The following RSU1 variants were observed in gnomAD, a reference collection of about 807,000 sequenced individuals.
RSU1 encodes rsu-1.
In RSU1, 26 loss-of-function variants were observed where a neutral mutation model predicts 31.1. That is an observed-to-expected ratio of 0.84 (90% CI 0.61 to 1.16). The LOEUF (loss-of-function observed/expected upper bound fraction) is 1.16, where lower values mean the gene tolerates loss of function less well. RSU1 is among the 50% of genes most tolerant of loss of function. The pLI, the probability that RSU1 is intolerant of heterozygous loss-of-function variation, is 0.00. For synonymous variants in RSU1, 164 were observed against 136.3 expected (o/e 1.20, Z -1.41); for missense variants, 320 against 339.1 (o/e 0.94, Z 0.44).
At chr10:16,709,898 T>C (rs986941646) in intron 7 of RSU1, among the ~76,000 whole-genome samples, 5 of 152,242 alleles carry the variant, frequency 3.3e-5, no homozygotes, top group Non-Finnish European at 5.9e-5. Flanking sequence ...ATTAGCCCTT[T>C]GTCAGATGAG....
intron 2 of RSU1, among the ~76,000 whole-genome samples, chr10:16,795,758 A>G (rs978593988): frequency 5.3e-5 from 8 of 152,184 alleles, no homozygotes; most frequent in Non-Finnish European, 1.0e-4. Context: ...TTTTTTTGCC[A>G]AAGTTAAGAC....
In RSU1 at chr10:16,593,290, AAG is replaced by A; in HGVS notation, c.*102_*103del. On this transcript the variant is annotated 3_prime_UTR_variant, in exon 9 of 9. Coordinates refer to ENST00000345264, the MANE Select transcript of RSU1 (RefSeq NM_012425.4). ...AAAGAGAGTGAAAAGAAAAATAAAA[AAG>A]GCCTCACACGCAGCATTGGGTTTAT... The A allele has an allele frequency of 6.5e-7, 1 of 1,530,954 alleles. No individual in the cohort carries two copies. Among genetic ancestry groups the A allele is most frequent in the African/African-American group, 1.4e-5 (1 of 72,360 alleles). The allele number at this position is 1,530,954 out of a possible 1,614,324, so 94.8% of individuals were successfully genotyped here. A position where few individuals can be genotyped will look rare whatever the true frequency, so the allele number is the denominator to read the frequency against.
chr10:16,792,193 A>G (rs1201769077), intron 2 of RSU1, among the ~76,000 whole-genome samples: 1 of 152,210 alleles, frequency 6.6e-6, no homozygotes, highest in African/African-American at 2.4e-5. Context: ...TGCATTCCGA[A>G]TGAAAGCCAC....
chr10:16,627,839 C>T (rs900131284), intron 8 of RSU1, among the ~76,000 whole-genome samples: 3 of 151,870 alleles, frequency 2.0e-5, no homozygotes, highest in Non-Finnish European at 4.4e-5. Flanking sequence ...AAGCAACTGC[C>T]TAAGAAATGT....
intron 8 of RSU1, among the ~76,000 whole-genome samples, chr10:16,654,690 A>G (rs1834746062): frequency 6.6e-6 from 1 of 151,854 alleles, no homozygotes; most frequent in Admixed American, 6.6e-5. Flanking sequence ...CAAAAAAAAA[A>G]AAAAAGGAAA....
chr10:16,668,646 C>G (rs1835045263), intron 8 of RSU1, among the ~76,000 whole-genome samples: 1 of 152,136 alleles, frequency 6.6e-6, no homozygotes, highest in Non-Finnish European at 1.5e-5. Flanking sequence ...GTTCTCAGTG[C>G]AGTCACAAAG....
In RSU1 at chr10:16,639,829, C is replaced by T. The variant is rs748263561; in HGVS notation, c.732-46333G>A. On this transcript the variant is annotated intron_variant, in intron 8 of 8. Coordinates refer to ENST00000345264, the MANE Select transcript of RSU1 (RefSeq NM_012425.4). ...GTGCCTGGAAATATTTACAGCAACA[C>T]CGCAATTCAAGCGGACATTTGGTTT... 3.3e-5 allele frequency among the ~76,000 whole-genome samples: 5 copies of T among 152,330 alleles called. No individual in the cohort carries two copies. The South Asian group carries it at 8.3e-4, about 25-fold the overall frequency.
chr10:16,774,400 C>T (rs1837487165), intron 3 of RSU1, among the ~76,000 whole-genome samples: 2 of 151,880 alleles, frequency 1.3e-5, no homozygotes, highest in Non-Finnish European at 2.9e-5. Flanking sequence ...TGGTGAAACC[C>T]GTCTCTACTA....
At chr10:16,654,130 G>A (rs1002850177) in intron 8 of RSU1, among the ~76,000 whole-genome samples, 4 of 151,838 alleles carry the variant, frequency 2.6e-5, no homozygotes, top group African/African-American at 9.7e-5. Context: ...AGCATCCTGA[G>A]TAGCTGGGAT....
intron 8 of RSU1, among the ~76,000 whole-genome samples, chr10:16,654,831 G>C (rs891693324): frequency 6.6e-6 from 1 of 151,980 alleles, no homozygotes; most frequent in Non-Finnish European, 1.5e-5. Context: ...AGCCAAGGTG[G>C]GAGGATCACT....
In RSU1 at chr10:16,628,705, AG is replaced by A. The variant is rs1203019414; in HGVS notation, c.732-35210del. On this transcript the variant is annotated intron_variant, in intron 8 of 8. Transcript: ENST00000345264. ...TGTTTTATAAGAAATGTGAACTTAC[AG>A]GGAAAAAATATGGGGCAAAGTGCCC... Among the ~76,000 whole-genome samples the A allele has an allele frequency of 3.3e-5, 5 of 152,340 alleles. 1 individual carries two copies. The Middle Eastern group carries it at 0.01, about 311-fold the overall frequency.
At chr10:16,669,329 TTC>T (rs1835060749) in intron 8 of RSU1, among the ~76,000 whole-genome samples, 1 of 152,140 alleles carries the variant, frequency 6.6e-6, no homozygotes, top group Non-Finnish European at 1.5e-5. Context: ...CCCATGTGAT[TTC>T]TGTTGTATTG....
intron 4 of RSU1, among the ~76,000 whole-genome samples, chr10:16,763,612 C>G (rs1368711421): frequency 6.6e-6 from 1 of 152,136 alleles, no homozygotes; most frequent in Non-Finnish European, 1.5e-5. Context: ...GCTGGGGACA[C>G]AGACCCAGAC....
chr10:16,627,866 CATTAAT>C (rs1405188469), intron 8 of RSU1, among the ~76,000 whole-genome samples: 7 of 151,960 alleles, frequency 4.6e-5, no homozygotes, highest in African/African-American at 1.7e-4. Flanking sequence ...CTCTGATGAT[CATTAAT>C]ATTATCAGTA....
chr10:16,760,177 A>T (rs1463620875), intron 4 of RSU1, among the ~76,000 whole-genome samples: 1 of 152,202 alleles, frequency 6.6e-6, no homozygotes, highest in Non-Finnish European at 1.5e-5. Flanking sequence ...AACAACTCCA[A>T]AGAGAACAAG....
At chr10:16,729,921 A>C (rs190306310) in intron 7 of RSU1, among the ~76,000 whole-genome samples, 2 of 152,266 alleles carry the variant, frequency 1.3e-5, no homozygotes, top group Admixed American at 1.3e-4. Context: ...GTCTTAGTCC[A>C]TTTTTGTGTT....
intron 8 of RSU1, among the ~76,000 whole-genome samples, chr10:16,645,998 ATATATG>A (rs1412819659): frequency 0.027 from 2,541 of 95,398 alleles, 661 homozygotes; most frequent in African/African-American, 0.045. Flanking sequence ...ATATGTGTAT[ATATATG>A]TGTATATACA....
intron 4 of RSU1, among the ~76,000 whole-genome samples, chr10:16,762,795 A>G (rs1837235422): frequency 6.6e-6 from 1 of 152,118 alleles, no homozygotes; most frequent in Non-Finnish European, 1.5e-5. Flanking sequence ...GCAGACGGAC[A>G]TGAGGTCAAG....
At chr10:16,711,331 C>T (rs917388514) in intron 7 of RSU1, among the ~76,000 whole-genome samples, 2 of 85,004 alleles carry the variant, frequency 2.4e-5, no homozygotes, top group African/African-American at 9.6e-5. Flanking sequence ...TTTTGCTTAT[C>T]TTTTCAAAAA....
Sources: gnomAD v4.1 joint callset for allele counts (sites outside exome capture counted in the v4.1 genomes callset) on GRCh38, gnomAD v4.1.1 for gene constraint, MANE v1.5 for transcripts, NCBI Gene and HGNC (gene_info 2026-07-23, HGNC 2026-07-21) for gene names.